PAX7: variants seen among roughly 807,000 people sequenced by gnomAD.
The protein encoded by PAX7 is paired box 7, also known as paired box protein Pax-7.
Under a neutral mutation model 50.7 loss-of-function variants are expected in PAX7, and 18 were observed. The ratio of observed to expected loss-of-function variants is 0.36; its 90% CI spans 0.25 to 0.53. PAX7 has a LOEUF of 0.53. Ranked by LOEUF, PAX7 falls within the 20% of genes least tolerant of loss-of-function variation. The pLI, the probability that PAX7 is intolerant of heterozygous loss-of-function variation, is 0.93. For synonymous variants in PAX7, 310 were observed against 290.4 expected (o/e 1.07, Z -0.69); for missense variants, 644 against 702.9 (o/e 0.92, Z 0.95).
At chr1:18,722,993 A>G (rs2089513417) in intron 7 of PAX7, among the ~76,000 whole-genome samples, 1 of 152,166 alleles carries the variant, frequency 6.6e-6, no homozygotes, top group Admixed American at 6.5e-5. Flanking sequence ...CTGCACATTC[A>G]GGCACCAATA....
At position 18,746,777 on chromosome 1, in the gene PAX7, C is replaced by T. The variant is rs967331403; in HGVS notation, c.*1848C>T. ...ATTCTAGGACACTCACCTGCATGGA[C>T]ATCACCTCTGTGACAAATGCTTACC... is the stretch of plus-strand genomic sequence containing the variant. On this transcript the variant is annotated 3_prime_UTR_variant, in exon 9 of 9. Transcript: ENST00000420770. 8.6e-6 allele frequency: 2 copies of T among 232,008 alleles called. No individual in the cohort carries two copies. Among genetic ancestry groups the T allele is most frequent in the East Asian group, 6.1e-5 (1 of 16,466 alleles). 14.4% of individuals were successfully genotyped at this position (232,008 alleles called of 1,614,324 possible).
chr1:18,647,385 A>G (rs1291453069), intron 4 of PAX7, among the ~76,000 whole-genome samples: 12 of 150,426 alleles, frequency 8.0e-5, no homozygotes, highest in African/African-American at 2.9e-4. Flanking sequence ...GACCCCAGGG[A>G]GCTGGGTACA....
At chr1:18,711,495 G>A (rs1029012122) in intron 7 of PAX7, among the ~76,000 whole-genome samples, 4 of 152,092 alleles carry the variant, frequency 2.6e-5, no homozygotes, top group Non-Finnish European at 5.9e-5. Flanking sequence ...CAATGCTTGA[G>A]TTGGTTTCCT....
Position 18,746,055 on chromosome 1 carries a change from C to T in PAX7, c.*1126C>T, listed in dbSNP as rs574505057. The T allele has an allele frequency of 4.0e-4, 92 of 231,654 alleles. No individual in the cohort carries two copies. The Middle Eastern group carries it at 6.5e-3, about 16-fold the overall frequency. 14.3% of individuals were successfully genotyped at this position (231,654 alleles called of 1,614,324 possible). A position where few individuals can be genotyped will look rare whatever the true frequency, so the allele number is the denominator to read the frequency against. Reference sequence around the variant, plus strand: ...CTCTAGGAAGAGGTCTCCATCTTCCCCAAACCCCTTTCAGTTTGTGGGGAT... The same window carrying T: ...CTCTAGGAAGAGGTCTCCATCTTCCTCAAACCCCTTTCAGTTTGTGGGGAT... On this transcript the variant is annotated 3_prime_UTR_variant, in exon 9 of 9. Transcript: ENST00000420770.
intron 5 of PAX7, among the ~76,000 whole-genome samples, chr1:18,695,266 G>A (rs2089136778): frequency 1.3e-5 from 2 of 152,112 alleles, no homozygotes; most frequent in South Asian, 2.1e-4. Context: ...CATAAATGGG[G>A]GTTGTTCTTA....
chr1:18,637,032 G>A (rs1215221353), intron 4 of PAX7, among the ~76,000 whole-genome samples: 2 of 152,176 alleles, frequency 1.3e-5, no homozygotes, highest in African/African-American at 4.8e-5. Context: ...CCCAGGGTCG[G>A]AGGATCGCAG....
intron 7 of PAX7, among the ~76,000 whole-genome samples, chr1:18,720,312 G>A (rs994548539): frequency 6.6e-6 from 1 of 152,190 alleles, no homozygotes; most frequent in Admixed American, 6.5e-5. Flanking sequence ...AGGGGCCTGG[G>A]AGGGAACCCC....
At chr1:18,667,972 C>T (rs1009212457) in intron 4 of PAX7, among the ~76,000 whole-genome samples, 1 of 152,168 alleles carries the variant, frequency 6.6e-6, no homozygotes, top group African/African-American at 2.4e-5. Context: ...TCCCAGTCTC[C>T]TAACCATGCT....
Position 18,634,292 on chromosome 1 carries a change from C to T in PAX7, c.86-11C>T. The stretch of plus-strand genomic sequence containing the variant: ...ACCTCTCTCCTTCTGCATCTCCCCT[C>T]CCTTCTCCAGTGTCCACCCCGCTTG... On this transcript the variant is annotated splice_polypyrimidine_tract_variant and intron_variant, in intron 1 of 8. Transcript: ENST00000420770. The surrounding 1 kb of genome is among the most constrained non-coding windows in gnomAD (Gnocchi z 4.0). 1.2e-6 allele frequency: 2 copies of T among 1,609,072 alleles called. No homozygotes were observed. Among genetic ancestry groups the T allele is most frequent in the Non-Finnish European group, 1.7e-6 (2 of 1,176,336 alleles).
At position 18,657,992 on chromosome 1, in the gene PAX7, C is replaced by T. The variant is rs139560033; in HGVS notation, c.586+21621C>T. 3.0e-3 allele frequency among the ~76,000 whole-genome samples: 454 copies of T among 152,278 alleles called. 9 individuals carry two copies. Among genetic ancestry groups the T allele is most frequent in the Admixed American group, 0.027 (410 of 15,296 alleles). The stretch of plus-strand genomic sequence containing the variant: ...GGCCCTTTTGTCCCCCCAGGGCCGA[C>T]GCATGAATACCTCTCAATGGCCCTC... On this transcript the variant is annotated intron_variant, in intron 4 of 8. Coordinates refer to ENST00000420770, the MANE Select transcript of PAX7 (RefSeq NM_001135254.2).
intron 4 of PAX7, among the ~76,000 whole-genome samples, chr1:18,663,660 G>T (rs1207943984): frequency 6.6e-6 from 1 of 152,182 alleles, no homozygotes; most frequent in Non-Finnish European, 1.5e-5. Context: ...GGGCTTACAG[G>T]CGTGAGCCAC....
intron 4 of PAX7, among the ~76,000 whole-genome samples, chr1:18,649,231 G>A (rs75205876): frequency 0.042 from 6,396 of 152,230 alleles, 209 homozygotes; most frequent in East Asian, 0.13. Flanking sequence ...AAAACGGACT[G>A]GTGGAAGCTT....
chr1:18,699,438 GC>G (rs2089188209), intron 5 of PAX7, among the ~76,000 whole-genome samples: 1 of 152,138 alleles, frequency 6.6e-6, no homozygotes, highest in African/African-American at 2.4e-5. Flanking sequence ...AACAGCATGT[GC>G]AAAGCTGAAG....
intron 4 of PAX7, among the ~76,000 whole-genome samples, chr1:18,685,073 A>G (rs542487412): frequency 6.6e-6 from 1 of 152,242 alleles, no homozygotes; most frequent in African/African-American, 2.4e-5. Context: ...CAGGACCAGA[A>G]ATGGAATTTT....
chr1:18,729,799 G>A (rs757234042), intron 7 of PAX7, among the ~76,000 whole-genome samples: 1 of 152,152 alleles, frequency 6.6e-6, no homozygotes, highest in African/African-American at 2.4e-5. Flanking sequence ...GGTGCAACTT[G>A]TCAAAGCCTC....
chr1:18,709,458 G>T (rs2089323372), intron 7 of PAX7, among the ~76,000 whole-genome samples: 1 of 152,156 alleles, frequency 6.6e-6, no homozygotes, highest in Non-Finnish European at 1.5e-5. Context: ...CACGATCACG[G>T]CCAACCAGCC....
intron 4 of PAX7, among the ~76,000 whole-genome samples, chr1:18,664,119 C>T (rs1048841234): frequency 2.0e-5 from 3 of 152,272 alleles, no homozygotes; most frequent in African/African-American, 7.2e-5. Context: ...AAGAGCTTCT[C>T]CAGCAGACAC....
At chr1:18,654,014 C>A (rs995185581) in intron 4 of PAX7, among the ~76,000 whole-genome samples, 2 of 152,072 alleles carry the variant, frequency 1.3e-5, no homozygotes, top group African/African-American at 2.4e-5. Flanking sequence ...CGCAGGAGAG[C>A]CTTTCTTTCT....
intron 5 of PAX7, among the ~76,000 whole-genome samples, chr1:18,697,890 TG>T (rs67190982): frequency 0.27 from 41,226 of 151,692 alleles, 5,882 homozygotes; most frequent in East Asian, 0.39. Flanking sequence ...GGGCTAGGAG[TG>T]GGTCCTGTCC....
Sources: gnomAD v4.1 joint callset for allele counts (sites outside exome capture counted in the v4.1 genomes callset) on GRCh38, gnomAD v4.1.1 for gene constraint, Gnocchi (gnomAD v3.1) non-coding constraint, MANE v1.5 for transcripts, NCBI Gene and HGNC (gene_info 2026-07-23, HGNC 2026-07-21) for gene names.